The following NLGN4Y variants were observed in gnomAD, a reference collection of about 807,000 sequenced individuals.
NLGN4Y encodes the protein neuroligin 4 Y-linked.
NLGN4Y carries 4 observed loss-of-function variants against 8.4 expected under a neutral mutation model. The ratio of observed to expected loss-of-function variants is 0.48; its 90% CI spans 0.23 to 1.09. The LOEUF is 1.09. Ranked by LOEUF, NLGN4Y falls within the 50% of genes least tolerant of loss-of-function variation. The pLI is 0.19. For missense variants in NLGN4Y, 90 were observed against 192.3 expected (o/e 0.47, Z 3.15); for synonymous variants, 35 against 75.6 (o/e 0.46, Z 2.78).
chrY:14,767,122 A>AT (rs2081095699), intron 4 of NLGN4Y, among the ~76,000 whole-genome samples: 1 of 32,755 alleles, frequency 3.1e-5, no homozygotes, highest in South Asian at 6.6e-4. Context: ...TACTATTTTT[A>AT]TTTTTTTCTA....
chrY:14,567,694 C>T (rs2080257430), intron 1 of NLGN4Y, among the ~76,000 whole-genome samples: 3 of 13,762 alleles, frequency 2.2e-4, no homozygotes, highest in African/African-American at 1.7e-3. Flanking sequence ...TGCCACCATG[C>T]TTGGCTAATT....
intron 2 of NLGN4Y, among the ~76,000 whole-genome samples, chrY:14,662,430 T>C (rs2080678281): frequency 5.9e-5 from 2 of 33,646 alleles, no homozygotes; most frequent in African/African-American, 2.3e-4. Context: ...CAAGTTTTTG[T>C]CATGTAAGTG....
At chrY:14,829,133 A>G (rs1048238210) in intron 5 of NLGN4Y, among the ~76,000 whole-genome samples, 1 of 34,121 alleles carries the variant, frequency 2.9e-5, no homozygotes, top group Admixed American at 2.6e-4. Flanking sequence ...CTGGTTGAGG[A>G]TTAGGCATAG....
intron 2 of NLGN4Y, among the ~76,000 whole-genome samples, chrY:14,696,733 G>A: frequency 3.1e-5 from 1 of 32,123 alleles, no homozygotes; most frequent in African/African-American, 1.2e-4. Flanking sequence ...TAATCTCTTG[G>A]CTTAATCAGT....
At chrY:14,785,061 A>G in intron 4 of NLGN4Y, among the ~76,000 whole-genome samples, 1 of 33,235 alleles carries the variant, frequency 3.0e-5, no homozygotes, top group Non-Finnish European at 7.4e-5. Flanking sequence ...GTGCCATGAA[A>G]TAATCTGTTT....
At chrY:14,675,409 T>C (rs759371999) in intron 2 of NLGN4Y, among the ~76,000 whole-genome samples, 1 of 32,658 alleles carries the variant, frequency 3.1e-5, no homozygotes, top group South Asian at 7.0e-4. Flanking sequence ...AGTCTCTCAC[T>C]AAGATGATCG....
intron 1 of NLGN4Y, among the ~76,000 whole-genome samples, chrY:14,594,895 C>T: frequency 3.0e-5 from 1 of 32,944 alleles, no homozygotes; most frequent in African/African-American, 1.2e-4. Flanking sequence ...AGTGGGGATC[C>T]GTACTGGGGA....
At chrY:14,791,690 T>C (rs2042986434) in intron 4 of NLGN4Y, among the ~76,000 whole-genome samples, 1 of 33,368 alleles carries the variant, frequency 3.0e-5, no homozygotes, top group African/African-American at 1.2e-4. Context: ...CTTTGATCTT[T>C]AACCCTCTGT....
chrY:14,599,873 A>G (rs2080420495), intron 1 of NLGN4Y, among the ~76,000 whole-genome samples: 1 of 33,029 alleles, frequency 3.0e-5, no homozygotes, highest in African/African-American at 1.2e-4. Flanking sequence ...AAAGCATGGA[A>G]CATGGGATTT....
At chrY:14,560,102 G>A (rs2080222275) in intron 1 of NLGN4Y, among the ~76,000 whole-genome samples, 1 of 33,154 alleles carries the variant, frequency 3.0e-5, no homozygotes, top group Admixed American at 2.8e-4. Flanking sequence ...GTTTGTGTGT[G>A]TGTATGTGTG....
intron 4 of NLGN4Y, among the ~76,000 whole-genome samples, chrY:14,776,320 T>C (rs2081125649): frequency 3.2e-5 from 1 of 31,089 alleles, no homozygotes; most frequent in Non-Finnish European, 7.7e-5. Flanking sequence ...ATGTAAAACA[T>C]ATATTACATC....
At chrY:14,654,732 A>G (rs2080643214) in intron 2 of NLGN4Y, among the ~76,000 whole-genome samples, 1 of 32,484 alleles carries the variant, frequency 3.1e-5, no homozygotes, top group Non-Finnish European at 7.5e-5. Context: ...TTCAGTATCC[A>G]CAATTTTCCT....
intron 4 of NLGN4Y, among the ~76,000 whole-genome samples, chrY:14,792,218 T>C (rs2042988125): frequency 3.1e-5 from 1 of 32,718 alleles, no homozygotes; most frequent in African/African-American, 1.2e-4. Context: ...TAAGCAAAAC[T>C]TCCCAGATCC....
At chrY:14,728,784 G>C (rs2080963024) in intron 4 of NLGN4Y, among the ~76,000 whole-genome samples, 2 of 33,464 alleles carry the variant, frequency 6.0e-5, no homozygotes, top group Non-Finnish European at 1.5e-4. Context: ...CTAATGGATA[G>C]AATTTCAATT....
chrY:14,734,821 G>A, intron 4 of NLGN4Y, among the ~76,000 whole-genome samples: 3 of 33,814 alleles, frequency 8.9e-5, no homozygotes, highest in African/African-American at 3.5e-4. Flanking sequence ...TAAAATCAAT[G>A]TATACTCCTT....
At chrY:14,685,416 C>T in intron 2 of NLGN4Y, among the ~76,000 whole-genome samples, 1 of 33,252 alleles carries the variant, frequency 3.0e-5, no homozygotes, top group African/African-American at 1.2e-4. Context: ...TACTAAAAGG[C>T]CATTACCTTC....
intron 4 of NLGN4Y, among the ~76,000 whole-genome samples, chrY:14,801,542 CAAAA>C (rs746849382): frequency 1.9e-4 from 1 of 5,173 alleles, no homozygotes; most frequent in Non-Finnish European, 3.8e-4. Flanking sequence ...TCAGATGAAC[CAAAA>C]AAAAAAAAAA....
intron 6 of NLGN4Y, among the ~76,000 whole-genome samples, chrY:14,830,731 C>A (rs2043176800): frequency 3.0e-5 from 1 of 33,839 alleles, no homozygotes; most frequent in Non-Finnish European, 7.4e-5. Context: ...GTGTTTTACT[C>A]CTAAAACACT....
At chrY:14,702,411 T>A in intron 2 of NLGN4Y, among the ~76,000 whole-genome samples, 1 of 30,905 alleles carries the variant, frequency 3.2e-5, no homozygotes, top group Non-Finnish European at 7.8e-5. Flanking sequence ...GAACATGTGG[T>A]GTTTGGTTTT....
Sources: gnomAD v4.1 joint callset for allele counts (sites outside exome capture counted in the v4.1 genomes callset) on GRCh38, gnomAD v4.1.1 for gene constraint, MANE v1.5 for transcripts, NCBI Gene and HGNC (gene_info 2026-07-23, HGNC 2026-07-21) for gene names.